ATOH8: variants seen among roughly 807,000 people sequenced by gnomAD.
ATOH8 encodes transcription factor ATOH8.
Under a neutral mutation model 21.2 loss-of-function variants are expected in ATOH8, and 9 were observed. The observed-to-expected ratio is 0.42, with a 90% CI of 0.26 to 0.74. The LOEUF is 0.74. Ranked by LOEUF, ATOH8 falls within the 30% of genes least tolerant of loss-of-function variation. The probability of loss-of-function intolerance (pLI) is 0.24; values close to 1 mark genes in which losing one functional copy is unlikely to be tolerated. For synonymous variants in ATOH8, 253 were observed against 224.0 expected (o/e 1.13, Z -1.16); for missense variants, 524 against 470.9 (o/e 1.11, Z -1.04).
intron 2 of ATOH8, chr2:85,773,317 G>T (rs949006394): frequency 1.2e-4 from 20 of 161,308 alleles, no homozygotes; most frequent in Non-Finnish European, 1.6e-4. Context: ...AGCCTTCTGG[G>T]ATATGTCTGC....
intron 2 of ATOH8, among the ~76,000 whole-genome samples, chr2:85,776,491 T>C (rs1424303386): frequency 6.6e-6 from 1 of 152,194 alleles, no homozygotes; most frequent in African/African-American, 2.4e-5. Flanking sequence ...TGCTGGCCCA[T>C]CAGGAAGGTG....
chr2:85,763,930 C>T, intron 1 of ATOH8, 61 bp from the exon 2 acceptor site: 1 of 1,535,062 alleles, frequency 6.5e-7, no homozygotes, highest in Non-Finnish European at 8.9e-7. Context: ...AGGCCGTCTC[C>T]CATGCCTGCC....
rs1214834381 is a variant in ATOH8, at chr2:85,785,617, T to G, written c.961-1268T>G. Among the ~76,000 whole-genome samples the G allele has an allele frequency of 6.6e-6, 1 of 152,170 alleles. No homozygotes were observed. ...TCCACGTCGTGGTTTGGCTCCATCC[T>G]GGCTCCCCAAGCCTCTGTCTCAGTG... On this transcript the variant is annotated intron_variant, in intron 2 of 2. Coordinates refer to ENST00000306279, the MANE Select transcript of ATOH8 (RefSeq NM_032827.7). The surrounding 1 kb of genome is among the most constrained non-coding windows in gnomAD (Gnocchi z 4.1).
chr2:85,757,763 G>A (rs1046406823), intron 1 of ATOH8, among the ~76,000 whole-genome samples: 1 of 150,990 alleles, frequency 6.6e-6, no homozygotes, highest in Non-Finnish European at 1.5e-5. Context: ...GCCTATAAGA[G>A]CAGTGAACAT....
Position 85,787,351 on chromosome 2 carries a change from A to T in ATOH8, c.*461A>T, listed in dbSNP as rs1481766935. On this transcript the variant is annotated 3_prime_UTR_variant, in exon 3 of 3. Transcript: ENST00000306279. ...AACTCATGGAATGGATGGGCATTTG[A>T]TGACCCCTGGGGGTCATCTTGGCCC... The T allele has an allele frequency of 1.8e-5, 3 of 169,994 alleles. No homozygotes were observed. The highest frequency in any genetic ancestry group is 7.1e-5 in the African/African-American group (3 of 41,986). 10.5% of individuals were successfully genotyped at this position (169,994 alleles called of 1,614,324 possible). A position where few individuals can be genotyped will look rare whatever the true frequency, so the allele number is the denominator to read the frequency against.
chr2:85,773,604 T>C (rs1382829703), intron 2 of ATOH8: 4 of 152,212 alleles, frequency 2.6e-5, no homozygotes, highest in African/African-American at 9.7e-5. Flanking sequence ...TTGCACCCAT[T>C]TTCCATGGGC....
chr2:85,785,119 C>T lies in ATOH8; in HGVS notation c.961-1766C>T, dbSNP rs762618479. Among the ~76,000 whole-genome samples, 3 of 152,240 alleles carry T rather than the reference C, an allele frequency of 2.0e-5. No individual in the cohort carries two copies. Among genetic ancestry groups the T allele is most frequent in the Non-Finnish European group, 4.4e-5 (3 of 68,046 alleles). ...GCCCTGACCGCCTTTACAGCATGCCCAGGAGGACGGCTCCAGCCAACCCAG... is the reference window on the plus strand; with the variant it reads ...GCCCTGACCGCCTTTACAGCATGCCTAGGAGGACGGCTCCAGCCAACCCAG... On this transcript the variant is annotated intron_variant, in intron 2 of 2. Coordinates refer to ENST00000306279, the MANE Select transcript of ATOH8 (RefSeq NM_032827.7). The surrounding 1 kb of genome is among the most constrained non-coding windows in gnomAD (Gnocchi z 4.1).
At chr2:85,761,565 G>A (rs1356306140) in intron 1 of ATOH8, among the ~76,000 whole-genome samples, 1 of 152,158 alleles carries the variant, frequency 6.6e-6, no homozygotes, top group Non-Finnish European at 1.5e-5. Flanking sequence ...CAAAATCCCT[G>A]CTCCCTCCTG....
intron 2 of ATOH8, chr2:85,781,018 T>A (rs923468947): frequency 6.1e-6 from 6 of 987,944 alleles, no homozygotes; most frequent in Non-Finnish European, 7.2e-6. Flanking sequence ...GTGCCCAGAA[T>A]AACCTCTGCA....
Position 85,754,691 on chromosome 2 carries a change from C to A in ATOH8, c.502C>A (p.Pro168Thr), listed in dbSNP as rs748540135. ...GCCCGCGCGCCCCGCGCCGTCAGCA[C>A]CCCCAGCACCGCCAGCGCCCCCGGA... ...APPARPAPSA[P>T]PAPPAPPEST... Residue 168 changes from proline (P) to threonine (T), a missense_variant, in exon 1 of 3, where the codon CCC becomes ACC. Transcript: ENST00000306279. 1.9e-6 allele frequency: 3 copies of A among 1,602,222 alleles called. No homozygotes were observed. Among genetic ancestry groups the A allele is most frequent in the Non-Finnish European group, 1.7e-6 (2 of 1,174,830 alleles).
chr2:85,760,209 T>G (rs999844363), intron 1 of ATOH8, among the ~76,000 whole-genome samples: 2 of 152,106 alleles, frequency 1.3e-5, no homozygotes, highest in South Asian at 2.1e-4. Context: ...TTAAAAATCC[T>G]TGTGGGATGA....
At chr2:85,760,014 C>G (rs1387780504) in intron 1 of ATOH8, among the ~76,000 whole-genome samples, 1 of 152,162 alleles carries the variant, frequency 6.6e-6, no homozygotes, top group Non-Finnish European at 1.5e-5. Flanking sequence ...GTCCTGTAAG[C>G]TTGTGGACCT....
At chr2:85,759,166 G>A (rs901464632) in intron 1 of ATOH8, among the ~76,000 whole-genome samples, 3 of 152,206 alleles carry the variant, frequency 2.0e-5, no homozygotes, top group African/African-American at 7.2e-5. Context: ...CCTGGAGAGG[G>A]CGTGGGAATG....
chr2:85,780,982 AG>A (rs1680472127), intron 2 of ATOH8: 5 of 987,752 alleles, frequency 5.1e-6, no homozygotes, highest in Middle Eastern at 2.8e-4. Context: ...GGGAGCTTGG[AG>A]GCCAGAAGCC....
At chr2:85,774,318 G>A in intron 2 of ATOH8, 1 of 985,540 alleles carries the variant, frequency 1.0e-6, no homozygotes, top group Non-Finnish European at 1.2e-6. Context: ...CCTGCCCACT[G>A]CTCAGCCTTG....
In ATOH8 at chr2:85,766,783, A is replaced by G. The variant is rs997338186; in HGVS notation, c.960+2601A>G. On this transcript the variant is annotated intron_variant, in intron 2 of 2. Transcript: ENST00000306279. The surrounding 1 kb of genome is among the most constrained non-coding windows in gnomAD (Gnocchi z 4.0). The stretch of plus-strand genomic sequence containing the variant: ...TCTGGGCACCTATGCTTTTGCGGTC[A>G]TAATTGCTAGCTGTCACCCTCCATC... Among the ~76,000 whole-genome samples the G allele has an allele frequency of 4.6e-5, 7 of 152,120 alleles. No individual in the cohort carries two copies. Among genetic ancestry groups the G allele is most frequent in the Non-Finnish European group, 8.8e-5 (6 of 68,010 alleles).
chr2:85,786,908 C>T lies in ATOH8; in HGVS notation c.*18C>T, dbSNP rs1434546220. Reference sequence around the variant, plus strand: ...AGGAGTGACTGGCTGCAGGCAAGACCAAGGCCACCACTGTGGGCCCTCCTT... The same window carrying T: ...AGGAGTGACTGGCTGCAGGCAAGACTAAGGCCACCACTGTGGGCCCTCCTT... On this transcript the variant is annotated 3_prime_UTR_variant, in exon 3 of 3. Transcript: ENST00000306279. 2 of 1,614,004 alleles carry T rather than the reference C, an allele frequency of 1.2e-6. No homozygotes were observed. The highest frequency in any genetic ancestry group is 2.7e-5 in the African/African-American group (2 of 74,918).
Position 85,754,037 on chromosome 2 carries a change from C to A in ATOH8, c.-153C>A. 1 of 968,742 alleles carries A rather than the reference C, an allele frequency of 1.0e-6. No homozygotes were observed. The highest frequency in any genetic ancestry group is 1.4e-6 in the Non-Finnish European group (1 of 711,090). 60.0% of individuals were successfully genotyped at this position (968,742 alleles called of 1,614,324 possible). A position where few individuals can be genotyped will look rare whatever the true frequency, so the allele number is the denominator to read the frequency against. ...GGGAACGGACAGCCCGGCGGCTTCC[C>A]GAAGCCGGCGGCGCAGCTGCCCGGG... On this transcript the variant is annotated 5_prime_UTR_variant, in exon 1 of 3. Transcript: ENST00000306279.
chr2:85,774,217 CT>C, intron 2 of ATOH8: 1 of 985,550 alleles, frequency 1.0e-6, no homozygotes, highest in South Asian at 4.7e-5. Flanking sequence ...TCCCCAGCCC[CT>C]GGTATGGCAT....
Sources: gnomAD v4.1 joint callset for allele counts (sites outside exome capture counted in the v4.1 genomes callset) on GRCh38, gnomAD v4.1.1 for gene constraint, Gnocchi (gnomAD v3.1) non-coding constraint, MANE v1.5 for transcripts, NCBI Gene and HGNC (gene_info 2026-07-23, HGNC 2026-07-21) for gene names.